MGAT4C: variants seen among roughly 807,000 people sequenced by gnomAD.
MGAT4C encodes the protein MGAT4 family member C, also known as alpha-1,3-mannosyl-glycoprotein 4-beta-N-acetylglucosaminyltransferase C.
In MGAT4C, 19 loss-of-function variants were observed where a neutral mutation model predicts 40.1. The ratio of observed to expected loss-of-function variants is 0.47; its 90% CI spans 0.33 to 0.70. MGAT4C has a LOEUF of 0.70. Ranked by LOEUF, MGAT4C falls within the 30% of genes least tolerant of loss-of-function variation. The pLI is 0.02. For missense variants in MGAT4C, 491 were observed against 563.2 expected (o/e 0.87, Z 1.30); for synonymous variants, 181 against 187.1 (o/e 0.97, Z 0.27).
At chr12:86,425,838 T>G (rs930318972) in intron 3 of MGAT4C, among the ~76,000 whole-genome samples, 2 of 152,184 alleles carry the variant, frequency 1.3e-5, no homozygotes, top group Admixed American at 1.3e-4. Flanking sequence ...TAATTTACAT[T>G]TGTATAACTA....
At chr12:86,813,986 C>G (rs1223124002) in intron 1 of MGAT4C, among the ~76,000 whole-genome samples, 1 of 151,854 alleles carries the variant, frequency 6.6e-6, no homozygotes, top group Non-Finnish European at 1.5e-5. Context: ...TATTGGCTCA[C>G]TGCAACCTCC....
chr12:86,187,620 T>C (rs1888910978), intron 1 of MGAT4C, among the ~76,000 whole-genome samples: 1 of 151,778 alleles, frequency 6.6e-6, no homozygotes, highest in Non-Finnish European at 1.5e-5. Flanking sequence ...ATCTTTCCTT[T>C]CTATAGTGAC....
chr12:86,672,270 G>A (rs1270179457), intron 2 of MGAT4C, among the ~76,000 whole-genome samples: 2 of 151,968 alleles, frequency 1.3e-5, no homozygotes, highest in Non-Finnish European at 2.9e-5. Flanking sequence ...AAATCAATAG[G>A]ATACAGAGAA....
At position 86,075,041 on chromosome 12, in the gene MGAT4C, C is replaced by T. The variant is rs538163648; in HGVS notation, c.-56-25318G>A. ...TACCAATCATGCTTTCCCAACAGTC[C>T]CCCAATCTTAACTCATTTCAGCATT... On this transcript the variant is annotated intron_variant, in intron 1 of 4. Transcript: ENST00000611864. 2.0e-5 allele frequency among the ~76,000 whole-genome samples: 3 copies of T among 152,194 alleles called. No individual in the cohort carries two copies. In the South Asian group the frequency reaches 6.2e-4, roughly 32 times the overall value.
intron 1 of MGAT4C, among the ~76,000 whole-genome samples, chr12:86,798,675 T>C (rs947683808): frequency 6.6e-6 from 1 of 151,766 alleles, no homozygotes; most frequent in Admixed American, 6.6e-5. Context: ...ATGTGAAAAA[T>C]GAATGAAGTA....
intron 1 of MGAT4C, among the ~76,000 whole-genome samples, chr12:86,161,318 C>A (rs555979334): frequency 9.2e-5 from 14 of 152,020 alleles, no homozygotes; most frequent in Middle Eastern, 3.4e-3. Context: ...GACACATAGA[C>A]CAACAGATCA....
intron 1 of MGAT4C, among the ~76,000 whole-genome samples, chr12:86,812,599 G>A (rs1026734050): frequency 1.3e-4 from 20 of 152,004 alleles, no homozygotes; most frequent in African/African-American, 3.4e-4. Context: ...TTATTAGGCC[G>A]TATATATTAT....
chr12:86,336,160 G>A (rs370074915), intron 3 of MGAT4C, among the ~76,000 whole-genome samples: 2 of 152,072 alleles, frequency 1.3e-5, no homozygotes, highest in Non-Finnish European at 2.9e-5. Context: ...TTTTATTGTT[G>A]CATTGTTACT....
chr12:86,759,284 T>G (rs200828910), intron 1 of MGAT4C, among the ~76,000 whole-genome samples: 1 of 152,080 alleles, frequency 6.6e-6, no homozygotes, highest in East Asian at 1.9e-4. Flanking sequence ...TATCCACTCA[T>G]TTGTGGAGGA....
chr12:86,688,741 T>A (rs962509106), intron 2 of MGAT4C, among the ~76,000 whole-genome samples: 8 of 152,216 alleles, frequency 5.3e-5, no homozygotes, highest in Non-Finnish European at 5.9e-5. Flanking sequence ...CTCCCCTTTA[T>A]GGGTAACCTG....
At position 86,152,365 on chromosome 12, in the gene MGAT4C, C is replaced by A. The variant is rs535536759; in HGVS notation, c.-56-102642G>T. ...AAGATGGTGCCTCGTTGTGTGTCCA[C>A]TAGAGGGGCAAATGCTGTGTCTCAC... On this transcript the variant is annotated intron_variant, in intron 1 of 4. Transcript: ENST00000611864. 2.6e-5 allele frequency among the ~76,000 whole-genome samples: 4 copies of A among 152,284 alleles called. No individual in the cohort carries two copies. The South Asian group carries it at 6.2e-4, about 24-fold the overall frequency.
At chr12:86,652,122 T>C (rs541632279) in intron 2 of MGAT4C, among the ~76,000 whole-genome samples, 3 of 151,896 alleles carry the variant, frequency 2.0e-5, no homozygotes, top group Admixed American at 6.6e-5. Context: ...GCAACCACTA[T>C]GTCCTCCTCC....
At chr12:86,171,589 T>A (rs1488980109) in intron 1 of MGAT4C, among the ~76,000 whole-genome samples, 1 of 152,182 alleles carries the variant, frequency 6.6e-6, no homozygotes, top group Non-Finnish European at 1.5e-5. Flanking sequence ...GAGGTTCAGA[T>A]AAACTAATGA....
chr12:86,531,097 T>C (rs909143141), intron 2 of MGAT4C, among the ~76,000 whole-genome samples: 2 of 152,020 alleles, frequency 1.3e-5, no homozygotes, highest in Non-Finnish European at 2.9e-5. Flanking sequence ...TTAGATAAAA[T>C]AGTAGAGCAT....
chr12:86,007,558 T>C (rs1888021154), intron 2 of MGAT4C, among the ~76,000 whole-genome samples: 1 of 152,064 alleles, frequency 6.6e-6, no homozygotes, highest in Non-Finnish European at 1.5e-5. Context: ...TTTTTTTGTC[T>C]GGTAGAATTC....
At chr12:86,680,332 C>T (rs1372158620) in intron 2 of MGAT4C, among the ~76,000 whole-genome samples, 1 of 151,902 alleles carries the variant, frequency 6.6e-6, no homozygotes, top group Non-Finnish European at 1.5e-5. Flanking sequence ...CAGGTTATCT[C>T]ATAAGATTAT....
At chr12:86,146,208 TA>T (rs1482314946) in intron 1 of MGAT4C, among the ~76,000 whole-genome samples, 6 of 152,196 alleles carry the variant, frequency 3.9e-5, no homozygotes, top group African/African-American at 1.4e-4. Context: ...GGAGTAGTGG[TA>T]AAATCCACTT....
At chr12:86,641,425 C>G (rs915265133) in intron 2 of MGAT4C, among the ~76,000 whole-genome samples, 3 of 151,426 alleles carry the variant, frequency 2.0e-5, no homozygotes, top group African/African-American at 7.3e-5. Flanking sequence ...TGCTAAATGA[C>G]CAGTTAATGG....
At chr12:86,617,498 C>T (rs1275893730) in intron 2 of MGAT4C, among the ~76,000 whole-genome samples, 1 of 152,076 alleles carries the variant, frequency 6.6e-6, no homozygotes, top group African/African-American at 2.4e-5. Context: ...ACCATCCTGG[C>T]TAACACGGTG....
Sources: allele counts gnomAD v4.1 joint callset (sites outside exome capture counted in the v4.1 genomes callset), GRCh38; gene constraint gnomAD v4.1.1; transcripts MANE v1.5; gene names NCBI Gene and HGNC (gene_info 2026-07-23, HGNC 2026-07-21).